STRN4: variants seen among roughly 807,000 people sequenced by gnomAD.
The protein encoded by STRN4 is striatin 4.
In STRN4, 27 loss-of-function variants were observed where a neutral mutation model predicts 77.9. The ratio of observed to expected loss-of-function variants is 0.35; its 90% CI spans 0.26 to 0.48. The LOEUF is 0.48. Among genes scored for constraint, STRN4 ranks in the 20% least tolerant of loss-of-function variants. STRN4 has a pLI of 0.99. For synonymous variants in STRN4, 466 were observed against 443.1 expected, an observed-to-expected ratio of 1.05 and a Z score of -0.65; for missense variants, 798 against 1,049.7, an observed-to-expected ratio of 0.76 and a Z score of 3.31.
intron 1 of STRN4, among the ~76,000 whole-genome samples, chr19:46,745,127 C>T (rs965173969): frequency 6.6e-6 from 1 of 151,914 alleles, no homozygotes; most frequent in Admixed American, 6.6e-5. Flanking sequence ...AGGGTAACCC[C>T]TAACTCGTCC....
In STRN4 at chr19:46,738,131, G is replaced by T. The variant is rs1418449008; in HGVS notation, c.460+33C>A. ...CAGAACACTCAGCTTCTGCGGGAGGGTGCCGACAGTGCGAGCATCAGAGGG... is the reference window on the plus strand; with the variant it reads ...CAGAACACTCAGCTTCTGCGGGAGGTTGCCGACAGTGCGAGCATCAGAGGG... On this transcript the variant is annotated intron_variant, in intron 3 of 17. Transcript: ENST00000263280. The surrounding 1 kb of genome is among the most constrained non-coding windows in gnomAD (Gnocchi z 4.5). 6.2e-7 allele frequency: 1 copy of T among 1,604,766 alleles called. No homozygotes were observed. Among genetic ancestry groups the T allele is most frequent in the South Asian group, 1.1e-5 (1 of 90,902 alleles).
In STRN4 at chr19:46,720,611, G is replaced by C. The variant is rs868772891; in HGVS notation, c.2253C>G (p.Val751=). ...CAGGGCCAGGTGGGCATCATACGAA[G>C]ACCTTGGCCAGGGCATCAGCGCCAG... ...ASAGADALAK[V]FV is the part of the protein sequence containing the mutation. The change falls in exon 17 of 18, where the codon GTC becomes GTG. Residue 751 remains valine, a synonymous_variant. Transcript: ENST00000263280. The C allele has an allele frequency of 6.3e-7, 1 of 1,583,840 alleles. No homozygotes were observed. The highest frequency in any genetic ancestry group is 8.6e-7 in the Non-Finnish European group (1 of 1,161,686).
intron 9 of STRN4, among the ~76,000 whole-genome samples, chr19:46,727,141 G>A (rs1390864116): frequency 6.6e-6 from 1 of 152,186 alleles, no homozygotes; most frequent in Non-Finnish European, 1.5e-5. Flanking sequence ...CAGCCCAGCT[G>A]CCCATTCACA....
chr19:46,743,984 C>T (rs952089527), intron 1 of STRN4, among the ~76,000 whole-genome samples: 1 of 152,080 alleles, frequency 6.6e-6, no homozygotes, highest in Non-Finnish European at 1.5e-5. Flanking sequence ...TGCTCATCTG[C>T]TGGGATCCTA....
At chr19:46,735,126 TA>T (rs1268574157) in intron 4 of STRN4, among the ~76,000 whole-genome samples, 1 of 151,840 alleles carries the variant, frequency 6.6e-6, no homozygotes, top group Non-Finnish European at 1.5e-5. Flanking sequence ...GCCAACATGG[TA>T]AAACGCTGTC....
Position 46,738,677 on chromosome 19 carries a change from T to C in STRN4, c.386+108A>G. 1 of 1,025,712 alleles carries C rather than the reference T, an allele frequency of 9.7e-7. No individual in the cohort carries two copies. The highest frequency in any genetic ancestry group is 1.6e-5 in the African/African-American group (1 of 63,556). The allele number at this position is 1,025,712 out of a possible 1,614,324, so 63.5% of individuals were successfully genotyped here. A position where few individuals can be genotyped will look rare whatever the true frequency, so the allele number is the denominator to read the frequency against. The stretch of plus-strand genomic sequence containing the variant: ...ATGGTACTGGAATGATGGAAAAGAA[T>C]GTCGACCCCAAATCTCCCTTAGCTG... On this transcript the variant is annotated intron_variant, in intron 2 of 17. Coordinates refer to ENST00000263280, the MANE Select transcript of STRN4 (RefSeq NM_013403.3). This position sits in a 1 kb window ranked among gnomAD's most constrained non-coding sequence, Gnocchi z 4.5.
chr19:46,730,785 T>C lies in STRN4; in HGVS notation c.826A>G (p.Ser276Gly), dbSNP rs1369862882. ...CTGTCCAGCTCATCGTCCTCGTCGCTGTCTTCGTCCTCGCAGTTCTGCAGG... is the reference window on the plus strand; with the variant it reads ...CTGTCCAGCTCATCGTCCTCGTCGCCGTCTTCGTCCTCGCAGTTCTGCAGG... ...PFLQNCEDEDSDEDDELDSVQ... is the reference protein window; with the variant it reads ...PFLQNCEDEDGDEDDELDSVQ... Residue 276 changes from serine to glycine, a missense_variant, in exon 6 of 18, where the codon AGC (serine) becomes GGC (glycine). Physicochemically the swap from Ser to Gly is moderately conservative, Grantham distance 56. Around this residue, in one of 2 missense-constraint regions of STRN4, gnomAD observed 511 missense variants for 575.9 expected, o/e 0.89. Coordinates refer to ENST00000263280, the MANE Select transcript of STRN4 (RefSeq NM_013403.3). The C allele has an allele frequency of 1.2e-6, 2 of 1,613,114 alleles. No homozygotes were observed. The highest frequency in any genetic ancestry group is 1.7e-6 in the Non-Finnish European group (2 of 1,180,010).
rs148663953 is a variant in STRN4, at chr19:46,725,583, G to C, written c.1314C>G (p.Tyr438Ter). The change falls in exon 10 of 18, where the codon TAC becomes TAG. Residue 438 changes from tyrosine to a stop codon, truncating the protein, a stop_gained. Coordinates refer to ENST00000263280, the MANE Select transcript of STRN4 (RefSeq NM_013403.3). LOFTEE classifies it high-confidence loss of function. ...GGAAGGCCAGGGAACGAATGCCGTCGTAGTGCGAGCGCAGGGTGAACTTGG... is the reference window on the plus strand; with the variant it reads ...GGAAGGCCAGGGAACGAATGCCGTCCTAGTGCGAGCGCAGGGTGAACTTGG... ...WNPKFTLRSHYDGIRSLAFHH... is the reference protein window; with the variant it reads ...WNPKFTLRSH The C allele has an allele frequency of 6.2e-7, 1 of 1,614,206 alleles. No homozygotes were observed. Among genetic ancestry groups the C allele is most frequent in the Admixed American group, 1.7e-5 (1 of 60,024 alleles).
At chr19:46,734,746 G>A (rs2054324303) in intron 4 of STRN4, among the ~76,000 whole-genome samples, 1 of 152,120 alleles carries the variant, frequency 6.6e-6, no homozygotes, top group Non-Finnish European at 1.5e-5. Flanking sequence ...CTCACTGCAA[G>A]CTCCGTCTCC....
At chr19:46,745,103 T>G (rs1433430124) in intron 1 of STRN4, among the ~76,000 whole-genome samples, 2 of 128,466 alleles carry the variant, frequency 1.6e-5, no homozygotes, top group African/African-American at 6.1e-5. Flanking sequence ...TTCTCCCCCC[T>G]AAAGCATCAC....
At chr19:46,736,997 C>G in intron 3 of STRN4, 96 bp from the exon 4 acceptor site, 1 of 1,239,950 alleles carries the variant, frequency 8.1e-7, no homozygotes, top group Non-Finnish European at 1.2e-6. Flanking sequence ...CCAAATCGGT[C>G]ACTGTCGCAG....
chr19:46,730,489 C>T (rs569526743), intron 6 of STRN4, among the ~76,000 whole-genome samples: 1 of 152,314 alleles, frequency 6.6e-6, no homozygotes, highest in South Asian at 2.1e-4. Context: ...AGCTCCGAGG[C>T]CATCTGCCAC....
chr19:46,725,450 G>T, intron 10 of STRN4, 23 bp downstream of exon 10: 1 of 1,613,116 alleles, frequency 6.2e-7, no homozygotes, highest in Non-Finnish European at 8.5e-7. Flanking sequence ...CCCTGCCCCC[G>T]GCTCTGAGCT....
At chr19:46,727,699 GAGAC>G (rs1397520411) in intron 8 of STRN4, 153 bp from the exon 9 acceptor site, 2 of 750,222 alleles carry the variant, frequency 2.7e-6, no homozygotes, top group Admixed American at 2.5e-5. Context: ...CAGCTGGAAA[GAGAC>G]AGAGAGACAG....
intron 8 of STRN4, 109 bp from the exon 9 acceptor site, chr19:46,727,655 G>C: frequency 2.2e-6 from 2 of 928,664 alleles, no homozygotes; most frequent in East Asian, 2.6e-5. Flanking sequence ...AAGAGCAAGA[G>C]AGAGAGACGG....
rs764884474 is a variant in STRN4 at position 46,727,468 on chromosome 19, T to C, written c.1232A>G (p.Asn411Ser). 1.2e-6 allele frequency: 2 copies of C among 1,613,936 alleles called. No homozygotes were observed. Among genetic ancestry groups the C allele is most frequent in the Non-Finnish European group, 1.7e-6 (2 of 1,179,896 alleles). Residue 411 changes from asparagine to serine, a missense_variant, in exon 9 of 18, where the codon AAC (asparagine) becomes AGC (serine). By Grantham distance (46) the Asn-to-Ser change is conservative. Around this residue, in one of 2 missense-constraint regions of STRN4, gnomAD observed 511 missense variants for 575.9 expected, o/e 0.89. Coordinates refer to ENST00000263280, the MANE Select transcript of STRN4 (RefSeq NM_013403.3). ...AGAACTTACATCGCAGCTGAGGTCG[T>C]TGTCGTTGGTGACGGTGAGATCTGC... ...DLADLTVTND[N>S]DLSCDLSDSK... is the part of the protein sequence containing the mutation.
In STRN4 at chr19:46,725,490, C is replaced by A. The variant is rs751476893; in HGVS notation, c.1407G>T (p.Lys469Asn). The A allele has an allele frequency of 6.2e-7, 1 of 1,614,114 alleles. No homozygotes were observed. Among genetic ancestry groups the A allele is most frequent in the South Asian group, 1.1e-5 (1 of 91,084 alleles). Residue 469 changes from lysine to asparagine, a missense_variant, in exon 10 of 18, where the codon AAG (lysine) becomes AAT (asparagine). Transcript: ENST00000263280. ...GCCCTCACTTCTTGGCCGTGACCGCCTTCTGCAGGTTCCAGAGCTTGAGCG... is the reference window on the plus strand; with the variant it reads ...GCCCTCACTTCTTGGCCGTGACCGCATTCTGCAGGTTCCAGAGCTTGAGCG... ...DGTLKLWNLQ[K>N]AVTAKKNAAL...
chr19:46,726,056 C>CGAGCCAGCAA (rs1365626574), intron 9 of STRN4: 1 of 183,268 alleles, frequency 5.5e-6, no homozygotes, highest in African/African-American at 2.4e-5. Context: ...TGAGGAAGCA[C>CGAGCCAGCAA]GAGCCAGCAG....
intron 6 of STRN4, among the ~76,000 whole-genome samples, chr19:46,729,179 C>A (rs1234153227): frequency 6.6e-6 from 1 of 152,238 alleles, no homozygotes; most frequent in Non-Finnish European, 1.5e-5. Flanking sequence ...AACACAGCAC[C>A]AGCAGCCGTG....
Sources: gnomAD v4.1 joint callset for allele counts (sites outside exome capture counted in the v4.1 genomes callset) on GRCh38, gnomAD v4.1.1 for gene constraint, gnomAD v4.1.1 regional missense constraint, Gnocchi (gnomAD v3.1) non-coding constraint, MANE v1.5 for transcripts, NCBI Gene and HGNC (gene_info 2026-07-23, HGNC 2026-07-21) for gene names.